Variants in TENM2 observed in about 807,000 individuals in gnomAD.
TENM2 encodes the protein teneurin transmembrane protein 2.
In TENM2, 52 loss-of-function variants were observed where a neutral mutation model predicts 245.2. The observed-to-expected ratio is 0.21, with a 90% confidence interval of 0.17 to 0.27. TENM2 has a LOEUF of 0.27. TENM2 is among the 10% of genes least tolerant of loss of function. The pLI, the probability that TENM2 is intolerant of heterozygous loss-of-function variation, is 1.00. For missense variants in TENM2, 3,046 were observed against 3,666.8 expected, an observed-to-expected ratio of 0.83 and a Z score of 4.37; for synonymous variants, 1,363 against 1,438.9, an observed-to-expected ratio of 0.95 and a Z score of 1.19.
At chr5:168,143,977 G>A (rs1185191188) in intron 12 of TENM2, among the ~76,000 whole-genome samples, 1 of 150,770 alleles carries the variant, frequency 6.6e-6, no homozygotes, top group Non-Finnish European at 1.5e-5. Context: ...AGCCTCCCGA[G>A]TAGCTGGGAT....
intron 2 of TENM2, among the ~76,000 whole-genome samples, chr5:167,652,006 A>C (rs991864303): frequency 6.6e-6 from 1 of 152,268 alleles, no homozygotes; most frequent in African/African-American, 2.4e-5. Context: ...CTTAATTTCT[A>C]CAGCTGTGAC....
intron 2 of TENM2, among the ~76,000 whole-genome samples, chr5:167,852,121 G>GTA (rs745828650): frequency 6.6e-5 from 10 of 152,282 alleles, no homozygotes; most frequent in Middle Eastern, 3.4e-3. Flanking sequence ...AAATATGTGT[G>GTA]TATATATATT....
rs1406606697 is a variant in TENM2, at chr5:167,636,647, AT to A, written c.503-239335del. ...TTTACTTAACATTTATTGAATGCTTATTTTGCACCACAGTCATGTATGTCAG... is the reference window on the plus strand; with the variant it reads ...TTTACTTAACATTTATTGAATGCTTATTTGCACCACAGTCATGTATGTCAG... On this transcript the variant is annotated intron_variant, in intron 2 of 28. Transcript: ENST00000518659. Among the ~76,000 whole-genome samples the A allele has an allele frequency of 2.0e-5, 3 of 152,178 alleles. No homozygotes were observed. The East Asian group carries it at 5.8e-4, about 29-fold the overall frequency.
chr5:167,863,227 T>C (rs572267523), intron 2 of TENM2, among the ~76,000 whole-genome samples: 2 of 152,166 alleles, frequency 1.3e-5, no homozygotes, highest in African/African-American at 2.4e-5. Flanking sequence ...CCTAAAACAT[T>C]TGTGAGTGCT....
chr5:167,405,591 G>A (rs1185114840), intron 2 of TENM2, among the ~76,000 whole-genome samples: 4 of 151,906 alleles, frequency 2.6e-5, no homozygotes, highest in African/African-American at 9.7e-5. Context: ...AATCAAGCAA[G>A]TGAAGGCTTC....
At chr5:167,934,894 A>G (rs756700918) in intron 3 of TENM2, 30 of 985,416 alleles carry the variant, frequency 3.0e-5, no homozygotes, top group Admixed American at 6.1e-5. Flanking sequence ...ACGGGTGTGC[A>G]GGCTGCACTG....
At chr5:167,444,262 T>C (rs1392040637) in intron 2 of TENM2, among the ~76,000 whole-genome samples, 1 of 146,862 alleles carries the variant, frequency 6.8e-6, no homozygotes, top group East Asian at 2.1e-4. Context: ...CTCAAAGTCA[T>C]ACACATTTGC....
intron 2 of TENM2, among the ~76,000 whole-genome samples, chr5:167,581,815 A>G (rs1775115951): frequency 6.6e-6 from 1 of 152,182 alleles, no homozygotes; most frequent in African/African-American, 2.4e-5. Flanking sequence ...CCAAAATGAA[A>G]AAGACACAAT....
chr5:167,185,200 C>G, the TENM2 span, among the ~76,000 whole-genome samples: 2 of 152,132 alleles, frequency 1.3e-5, no homozygotes, highest in Non-Finnish European at 2.9e-5. Flanking sequence ...TTCACTGTTG[C>G]ATGACTGAAT....
rs146903599 is a variant in TENM2 at position 167,380,710 on chromosome 5, T to G, written c.502+5237T>G. On this transcript the variant is annotated intron_variant, in intron 2 of 28. Transcript: ENST00000518659. Reference sequence around the variant, plus strand: ...TAATCTCCAGGCCTTCAGGGACACATTGGGCTTGGTGGATAATCATTTGGT... The same window carrying G: ...TAATCTCCAGGCCTTCAGGGACACAGTGGGCTTGGTGGATAATCATTTGGT... Among the ~76,000 whole-genome samples, 10 of 152,196 alleles carry G rather than the reference T, an allele frequency of 6.6e-5. No individual in the cohort carries two copies. In the East Asian group the frequency reaches 1.9e-3, roughly 29 times the overall value.
chr5:168,062,085 C>T, exon 7 of TENM2: 1 of 1,611,118 alleles, frequency 6.2e-7, no homozygotes, highest in South Asian at 1.1e-5. Flanking sequence ...AAAACAGCAG[C>T]ATAGACAGTG....
chr5:167,082,479 G>A, the TENM2 span, among the ~76,000 whole-genome samples: 1 of 152,046 alleles, frequency 6.6e-6, no homozygotes, highest in African/African-American at 2.4e-5. Context: ...TAGAGACGGG[G>A]TTTCACCATG....
chr5:167,375,131 G>C, intron 1 of TENM2, 67 bp from the exon 4 acceptor site: 1 of 1,499,162 alleles, frequency 6.7e-7, no homozygotes, highest in African/African-American at 1.4e-5. Flanking sequence ...TTTTTTGTAA[G>C]GATAAATTTT....
At chr5:167,275,391 AC>A in the TENM2 span, among the ~76,000 whole-genome samples, 1 of 152,200 alleles carries the variant, frequency 6.6e-6, no homozygotes, top group African/African-American at 2.4e-5. Flanking sequence ...ATCTATATCT[AC>A]AAAAAATTTT....
chr5:167,887,194 C>T (rs1327888966), intron 3 of TENM2, among the ~76,000 whole-genome samples: 1 of 152,230 alleles, frequency 6.6e-6, no homozygotes, highest in Non-Finnish European at 1.5e-5. Flanking sequence ...CAATTTAGCA[C>T]CTCATTGCAT....
intron 2 of TENM2, among the ~76,000 whole-genome samples, chr5:167,419,516 C>T (rs190916187): frequency 1.2e-4 from 19 of 152,176 alleles, no homozygotes; most frequent in East Asian, 7.7e-4. Flanking sequence ...GTATTTAGAA[C>T]GACAAAATTT....
intron 2 of TENM2, among the ~76,000 whole-genome samples, chr5:167,527,556 G>A (rs1267663322): frequency 1.3e-5 from 2 of 152,094 alleles, no homozygotes; most frequent in African/African-American, 4.8e-5. Context: ...CTCCAAAGAC[G>A]GGAGAAGATG....
intron 2 of TENM2, chr5:167,653,473 G>C (rs1754612450): frequency 6.6e-6 from 1 of 151,874 alleles, no homozygotes; most frequent in Non-Finnish European, 1.5e-5. Flanking sequence ...GACCTTAGTT[G>C]GATAGCTTAC....
At chr5:168,096,722 A>G (rs1717895085) in intron 8 of TENM2, among the ~76,000 whole-genome samples, 2 of 152,192 alleles carry the variant, frequency 1.3e-5, no homozygotes, top group Admixed American at 1.3e-4. Flanking sequence ...CTTTCATACC[A>G]TGTCACCAGG....
Sources: gnomAD v4.1 joint callset for allele counts (sites outside exome capture counted in the v4.1 genomes callset) on GRCh38, gnomAD v4.1.1 for gene constraint, MANE v1.5 for transcripts, NCBI Gene and HGNC (gene_info 2026-07-23, HGNC 2026-07-21) for gene names.